The following SGCD variants were observed in gnomAD, a reference collection of about 807,000 sequenced individuals.
SGCD encodes the protein sarcoglycan delta, also known as delta-sarcoglycan.
A neutral mutation model predicts 36.6 loss-of-function variants in SGCD; 18 were observed. The observed-to-expected ratio is 0.49, with a 90% confidence interval of 0.34 to 0.73. The LOEUF (loss-of-function observed/expected upper bound fraction) is 0.73. Among genes scored for constraint, SGCD ranks in the 30% least tolerant of loss-of-function variants. SGCD has a pLI of 0.01. For synonymous variants in SGCD, 133 were observed against 130.6 expected (o/e 1.02, Z -0.12); for missense variants, 387 against 346.7 (o/e 1.12, Z -0.92).
At chr5:155,977,005 A>T (rs1402676068) in intron 1 of SGCD, among the ~76,000 whole-genome samples, 1 of 152,186 alleles carries the variant, frequency 6.6e-6, no homozygotes, top group Non-Finnish European at 1.5e-5. Context: ...TTCTTAGAAT[A>T]AGAAGAGCAT....
chr5:156,550,123 C>T (rs577634863), intron 4 of SGCD, among the ~76,000 whole-genome samples: 72 of 152,144 alleles, frequency 4.7e-4, no homozygotes, highest in Non-Finnish European at 9.0e-4. Context: ...GATTTAAAAC[C>T]AGGAAACTCT....
At chr5:155,824,565 G>C in the SGCD span, among the ~76,000 whole-genome samples, 1 of 152,058 alleles carries the variant, frequency 6.6e-6, no homozygotes, top group Non-Finnish European at 1.5e-5. Flanking sequence ...TATTGATAAT[G>C]ATTTATCATA....
chr5:155,961,321 T>C (rs1757785908), intron 1 of SGCD, among the ~76,000 whole-genome samples: 1 of 152,162 alleles, frequency 6.6e-6, no homozygotes, highest in South Asian at 2.1e-4. Context: ...GCAATTACAT[T>C]TAAATTAGTC....
intron 6 of SGCD, among the ~76,000 whole-genome samples, chr5:156,640,370 C>T (rs1417295109): frequency 7.4e-6 from 1 of 134,808 alleles, no homozygotes; most frequent in East Asian, 2.0e-4. Flanking sequence ...TTCCCAAGAA[C>T]CAGTTTTTGC....
At chr5:156,758,476 C>T (rs943557146) in intron 8 of SGCD, among the ~76,000 whole-genome samples, 7 of 151,784 alleles carry the variant, frequency 4.6e-5, no homozygotes, top group African/African-American at 1.5e-4. Context: ...TACATCCACT[C>T]GATGGATATA....
At chr5:155,878,796 A>G (rs998594716) in intron 1 of SGCD, among the ~76,000 whole-genome samples, 6 of 152,164 alleles carry the variant, frequency 3.9e-5, no homozygotes, top group African/African-American at 1.4e-4. Context: ...AGAATAAACT[A>G]TTCATGTGAG....
At chr5:156,621,908 T>C (rs1387733292) in intron 6 of SGCD, among the ~76,000 whole-genome samples, 1 of 152,218 alleles carries the variant, frequency 6.6e-6, no homozygotes, top group African/African-American at 2.4e-5. Flanking sequence ...AAGATAAGTT[T>C]CATTCTTATT....
At chr5:156,217,421 A>G (rs1764603573) in intron 3 of SGCD, among the ~76,000 whole-genome samples, 1 of 152,186 alleles carries the variant, frequency 6.6e-6, no homozygotes. Context: ...TATACTAGCC[A>G]TGGTTTTCTA....
intron 3 of SGCD, among the ~76,000 whole-genome samples, chr5:156,355,248 C>A (rs1284611023): frequency 6.6e-6 from 1 of 152,196 alleles, no homozygotes; most frequent in Non-Finnish European, 1.5e-5. Context: ...CAATTTTTGC[C>A]TTTCCTTCCT....
chr5:156,501,815 C>T (rs1198493381), intron 3 of SGCD, among the ~76,000 whole-genome samples: 1 of 152,198 alleles, frequency 6.6e-6, no homozygotes, highest in Non-Finnish European at 1.5e-5. Flanking sequence ...GCTGGGATTA[C>T]AATGGGAGCC....
At position 156,141,158 on chromosome 5, in the gene SGCD, C is replaced by T. The variant is rs1028791163; in HGVS notation, c.-44+17139C>T. Among the ~76,000 whole-genome samples, 4 of 152,210 alleles carry T rather than the reference C, an allele frequency of 2.6e-5. No individual in the cohort carries two copies. The East Asian group carries it at 7.7e-4, about 29-fold the overall frequency. ...GGAGTACATGTAAGTGAAGGCTTGG[C>T]TGCCTCTACCTAAATTTCAAAGGAT... On this transcript the variant is annotated intron_variant, in intron 3 of 9. Coordinates refer to the SGCD transcript ENST00000517913.
chr5:156,416,240 A>G (rs1773023703), intron 3 of SGCD, among the ~76,000 whole-genome samples: 1 of 152,224 alleles, frequency 6.6e-6, no homozygotes, highest in African/African-American at 2.4e-5. Flanking sequence ...ATTGGAGACT[A>G]TTATTCTAAG....
chr5:156,388,462 C>T (rs1045699354), intron 3 of SGCD, among the ~76,000 whole-genome samples: 1 of 152,172 alleles, frequency 6.6e-6, no homozygotes, highest in Non-Finnish European at 1.5e-5. Context: ...TGTGCCCAAT[C>T]AGTTGTTATT....
chr5:155,977,942 A>T (rs2127561438), intron 1 of SGCD, among the ~76,000 whole-genome samples: 1 of 152,114 alleles, frequency 6.6e-6, no homozygotes, highest in South Asian at 2.1e-4. Context: ...AAAACACAAA[A>T]AACTAGCTGG....
chr5:156,423,375 A>AATT (rs1773497219), intron 3 of SGCD, among the ~76,000 whole-genome samples: 1 of 107,480 alleles, frequency 9.3e-6, no homozygotes, highest in Non-Finnish European at 1.8e-5. Flanking sequence ...ATTATATTTT[A>AATT]TTATAATATA....
At chr5:156,626,546 T>C (rs1394262067) in intron 6 of SGCD, among the ~76,000 whole-genome samples, 1 of 152,216 alleles carries the variant, frequency 6.6e-6, no homozygotes, top group Non-Finnish European at 1.5e-5. Context: ...TTCAGAGCAG[T>C]GTGAGCACAA....
At position 156,072,127 on chromosome 5, in the gene SGCD, T is replaced by G. The variant is rs577458899; in HGVS notation, c.-281-45751T>G. 7.6e-3 allele frequency among the ~76,000 whole-genome samples: 1,161 copies of G among 152,040 alleles called. 9 individuals are homozygous for G. The highest frequency in any genetic ancestry group is 0.02 in the Middle Eastern group (6 of 294). On this transcript the variant is annotated intron_variant, in intron 1 of 9. Transcript: ENST00000517913. ...TTTTAATTGGAGCATTTAGTCCATT[T>G]ACATTTAAAGTTAATATTGTTATGT... is the stretch of plus-strand genomic sequence containing the variant.
intron 1 of SGCD, among the ~76,000 whole-genome samples, chr5:155,875,441 T>C (rs1431460943): frequency 6.6e-6 from 1 of 152,126 alleles, no homozygotes; most frequent in Non-Finnish European, 1.5e-5. Flanking sequence ...TAAATGAAGA[T>C]GATAGACATG....
chr5:155,931,853 A>G (rs1757103407), intron 1 of SGCD, among the ~76,000 whole-genome samples: 1 of 152,228 alleles, frequency 6.6e-6, no homozygotes, highest in Non-Finnish European at 1.5e-5. Flanking sequence ...AAACTACAGT[A>G]ACTTATTCCT....
Sources: allele counts gnomAD v4.1 joint callset (sites outside exome capture counted in the v4.1 genomes callset), GRCh38; gene constraint gnomAD v4.1.1; transcripts MANE v1.5; gene names NCBI Gene and HGNC (gene_info 2026-07-23, HGNC 2026-07-21).